The following PPM1H variants were observed in gnomAD, a reference collection of about 807,000 sequenced individuals.
PPM1H encodes the protein protein phosphatase, Mg2+/Mn2+ dependent 1H, also known as protein phosphatase 1H.
A neutral mutation model predicts 54.9 loss-of-function variants in PPM1H; 27 were observed. That is an observed-to-expected ratio of 0.49 (90% confidence interval 0.36 to 0.68). The LOEUF is 0.68. PPM1H is among the 30% of genes least tolerant of loss of function. PPM1H has a pLI of 0.00. For synonymous variants in PPM1H, 305 were observed against 270.8 expected, an observed-to-expected ratio of 1.13 and a Z score of -1.24; for missense variants, 596 against 667.8, an observed-to-expected ratio of 0.89 and a Z score of 1.19.
chr12:62,717,475 GAA>G (rs2076241770), intron 6 of PPM1H, among the ~76,000 whole-genome samples: 1 of 151,208 alleles, frequency 6.6e-6, no homozygotes, highest in African/African-American at 2.4e-5. Context: ...GAGAGAGAGA[GAA>G]AGAGAAGGAA....
chr12:62,873,096 G>T (rs1870042866), intron 1 of PPM1H, among the ~76,000 whole-genome samples: 2 of 152,298 alleles, frequency 1.3e-5, no homozygotes, highest in South Asian at 4.1e-4. Flanking sequence ...CTGGTTAGTG[G>T]CAGGGTTAGG....
At chr12:62,902,917 C>T (rs1198504924) in intron 1 of PPM1H, among the ~76,000 whole-genome samples, 1 of 152,170 alleles carries the variant, frequency 6.6e-6, no homozygotes, top group Admixed American at 6.5e-5. Flanking sequence ...AGGCCTATCT[C>T]CTATGGCAAA....
Position 62,661,967 on chromosome 12 carries a change from A to G in PPM1H, c.1397+5211T>C, listed in dbSNP as rs1430856498. Among the ~76,000 whole-genome samples the G allele has an allele frequency of 2.6e-5, 4 of 152,080 alleles. 1 individual carries two copies. Among genetic ancestry groups the G allele is most frequent in the African/African-American group, 7.2e-5 (3 of 41,386 alleles). ...ATCCATCTGATATAGGATTCTTTCT[A>G]TTGCTTTGGTTTGCCATCTTCCCCG... On this transcript the variant is annotated intron_variant, in intron 9 of 9. Coordinates refer to ENST00000228705, the MANE Select transcript of PPM1H (RefSeq NM_020700.2).
rs79397506 is a variant in PPM1H at position 62,865,811 on chromosome 12, C to T, written c.246-33532G>A. ...CATGCCTGGCCTAAAGGGCTCACTT[C>T]TAACAGGTTTCTCTTTCTAGGTAAA... On this transcript the variant is annotated intron_variant, in intron 1 of 9. Transcript: ENST00000228705. 2.7e-3 allele frequency among the ~76,000 whole-genome samples: 404 copies of T among 152,258 alleles called. 3 individuals carry two copies. Among genetic ancestry groups the T allele is most frequent in the Non-Finnish European group, 5.0e-3 (341 of 68,030 alleles).
intron 3 of PPM1H, among the ~76,000 whole-genome samples, chr12:62,797,923 T>A (rs2076745417): frequency 6.6e-6 from 1 of 152,156 alleles, no homozygotes; most frequent in Non-Finnish European, 1.5e-5. Context: ...GTATTAACAA[T>A]TAAGACAGCA....
At chr12:62,917,369 G>A (rs910511855) in intron 1 of PPM1H, among the ~76,000 whole-genome samples, 2 of 152,196 alleles carry the variant, frequency 1.3e-5, no homozygotes, top group African/African-American at 4.8e-5. Flanking sequence ...AGATCTAGTT[G>A]TGATCTTCAT....
chr12:62,815,702 C>G (rs1348763037), intron 2 of PPM1H, among the ~76,000 whole-genome samples: 1 of 151,260 alleles, frequency 6.6e-6, no homozygotes, highest in East Asian at 1.9e-4. Context: ...CTCTAATAAG[C>G]CTATGAAATA....
At chr12:62,906,385 TC>T (rs1341689653) in intron 1 of PPM1H, among the ~76,000 whole-genome samples, 1 of 152,236 alleles carries the variant, frequency 6.6e-6, no homozygotes, top group African/African-American at 2.4e-5. Flanking sequence ...GTGTGCTGTT[TC>T]CAGTGTCAGG....
intron 1 of PPM1H, among the ~76,000 whole-genome samples, chr12:62,923,868 G>A (rs1871883193): frequency 6.6e-6 from 1 of 152,144 alleles, no homozygotes; most frequent in East Asian, 1.9e-4. Flanking sequence ...AAGGGCATTG[G>A]CAATCCTCTA....
chr12:62,818,821 C>CTTT (rs771501305), intron 2 of PPM1H, among the ~76,000 whole-genome samples: 2 of 135,832 alleles, frequency 1.5e-5, no homozygotes, highest in South Asian at 2.3e-4. Context: ...TTTTCTTTTT[C>CTTT]TTTTTTTTTT....
At chr12:62,907,546 C>T (rs1329481397) in intron 1 of PPM1H, among the ~76,000 whole-genome samples, 1 of 152,124 alleles carries the variant, frequency 6.6e-6, no homozygotes, top group East Asian at 1.9e-4. Flanking sequence ...ATTGCCAAGT[C>T]AAAAACCTCA....
In PPM1H at chr12:62,797,627, G is replaced by A. The variant is rs1053519949; in HGVS notation, c.756+4189C>T. On this transcript the variant is annotated intron_variant, in intron 3 of 9. Transcript: ENST00000228705. ...ATTTCAAAAAACCAAAGGTTTACAC[G>A]GTAAGACAATGACTCTCAAAAACCT... is the stretch of plus-strand genomic sequence containing the variant. 5.9e-5 allele frequency among the ~76,000 whole-genome samples: 9 copies of A among 152,230 alleles called. No homozygotes were observed. The East Asian group carries it at 9.7e-4, about 16-fold the overall frequency.
At chr12:62,855,154 T>G (rs1220822864) in intron 1 of PPM1H, among the ~76,000 whole-genome samples, 1 of 152,180 alleles carries the variant, frequency 6.6e-6, no homozygotes, top group Non-Finnish European at 1.5e-5. Context: ...TGACCAGCTA[T>G]CCCAGTTTGC....
At chr12:62,782,150 C>G (rs1315211671) in intron 4 of PPM1H, among the ~76,000 whole-genome samples, 3 of 152,210 alleles carry the variant, frequency 2.0e-5, no homozygotes, top group Non-Finnish European at 4.4e-5. Flanking sequence ...CAGGAGCTCA[C>G]TGGCACGTGT....
intron 1 of PPM1H, among the ~76,000 whole-genome samples, chr12:62,857,772 T>C (rs980858866): frequency 1.3e-5 from 2 of 152,196 alleles, no homozygotes; most frequent in Non-Finnish European, 2.9e-5. Context: ...GCTTGCTCTT[T>C]ATACTAGCCC....
In PPM1H at chr12:62,811,117, C is replaced by T. The variant is rs143946187; in HGVS notation, c.412-8957G>A. Among the ~76,000 whole-genome samples the T allele has an allele frequency of 2.7e-3, 404 of 152,144 alleles. 1 individual carries two copies. The highest frequency in any genetic ancestry group is 9.2e-3 in the African/African-American group (383 of 41,498). On this transcript the variant is annotated intron_variant, in intron 2 of 9. Transcript: ENST00000228705. Reference sequence around the variant, plus strand: ...CTAACCATGGGGTATGGGGGGCACACGGGAAGGGGTATGGCTATGAAGGGA... The same window carrying T: ...CTAACCATGGGGTATGGGGGGCACATGGGAAGGGGTATGGCTATGAAGGGA...
intron 1 of PPM1H, among the ~76,000 whole-genome samples, chr12:62,932,049 G>A (rs981230033): frequency 1.3e-4 from 20 of 151,022 alleles, no homozygotes; most frequent in African/African-American, 4.9e-4. Flanking sequence ...ATTACTCCTA[G>A]GGAGTAGGTG....
chr12:62,658,212 T>TTTTTTTTTA (rs768288538), intron 9 of PPM1H, among the ~76,000 whole-genome samples: 3 of 130,538 alleles, frequency 2.3e-5, no homozygotes, highest in African/African-American at 8.9e-5. Context: ...TTTTTTTTTT[T>TTTTTTTTTA]AAGTAAAAAA....
chr12:62,676,818 G>A (rs1031430887), intron 8 of PPM1H, among the ~76,000 whole-genome samples: 4 of 152,114 alleles, frequency 2.6e-5, no homozygotes, highest in Non-Finnish European at 5.9e-5. Flanking sequence ...ATGACATGTC[G>A]ATGGCAGCAG....
Sources: gnomAD v4.1 joint callset for allele counts (sites outside exome capture counted in the v4.1 genomes callset) on GRCh38, gnomAD v4.1.1 for gene constraint, MANE v1.5 for transcripts, NCBI Gene and HGNC (gene_info 2026-07-23, HGNC 2026-07-21) for gene names.